Variants in DIS3L2 observed in about 807,000 individuals in gnomAD.
The protein encoded by DIS3L2 is DIS3-like exonuclease 2.
In DIS3L2, 34 loss-of-function variants were observed where a neutral mutation model predicts 97.5. The ratio of observed to expected loss-of-function variants is 0.35; its 90% CI spans 0.27 to 0.46. The LOEUF (loss-of-function observed/expected upper bound fraction) is 0.46, where lower values mean the gene tolerates loss of function less well. Among genes scored for constraint, DIS3L2 ranks in the 20% least tolerant of loss-of-function variants. The probability of loss-of-function intolerance (pLI) is 1.00; values close to 1 mark genes in which losing one functional copy is unlikely to be tolerated. For missense variants in DIS3L2, 1,038 were observed against 1,146.0 expected, an observed-to-expected ratio of 0.91 and a Z score of 1.36; for synonymous variants, 435 against 445.2, an observed-to-expected ratio of 0.98 and a Z score of 0.29.
chr2:232,343,754 A>G, exon 14 of DIS3L2: 1 of 651,904 alleles, frequency 1.5e-6, no homozygotes, highest in Non-Finnish European at 2.6e-6. Context: ...AAACTGCTAT[A>G]CCCTCTTCAG....
chr2:232,066,297 G>A (rs1695855609), intron 5 of DIS3L2, among the ~76,000 whole-genome samples: 1 of 151,884 alleles, frequency 6.6e-6, no homozygotes, highest in Non-Finnish European at 1.5e-5. Context: ...ATCAAGCTGA[G>A]GAAATATCCT....
chr2:232,079,398 T>C (rs1188329307), intron 5 of DIS3L2, among the ~76,000 whole-genome samples: 1 of 151,682 alleles, frequency 6.6e-6, no homozygotes, highest in East Asian at 1.9e-4. Context: ...AGATCAAGAC[T>C]ATCCTGGCTA....
At chr2:232,270,902 CTCTCTCTCTCTCTGTCTCG>C (rs1693986013) in intron 13 of DIS3L2, among the ~76,000 whole-genome samples, 1 of 137,096 alleles carries the variant, frequency 7.3e-6, no homozygotes, top group Non-Finnish European at 1.6e-5. Flanking sequence ...CTCTCTCTCT[CTCTCTCTCTCTCTGTCTCG>C]TCTCTCTCTC....
intron 11 of DIS3L2, among the ~76,000 whole-genome samples, chr2:232,243,451 TAGTG>T (rs1693161859): frequency 6.6e-6 from 1 of 151,790 alleles, no homozygotes; most frequent in Non-Finnish European, 1.5e-5. Flanking sequence ...GGTTGAAGGA[TAGTG>T]AGGCCAGAGG....
intron 6 of DIS3L2, among the ~76,000 whole-genome samples, chr2:232,122,305 A>C (rs976620622): frequency 6.6e-6 from 1 of 152,204 alleles, no homozygotes; most frequent in Admixed American, 6.5e-5. Context: ...TTAACTCCTT[A>C]GGGTAAGTTA....
At chr2:232,065,050 C>G (rs959886111) in intron 5 of DIS3L2, among the ~76,000 whole-genome samples, 1 of 152,036 alleles carries the variant, frequency 6.6e-6, no homozygotes, top group Non-Finnish European at 1.5e-5. Flanking sequence ...TCTAATATAT[C>G]TCTGTCTATC....
chr2:232,285,464 C>T (rs1055171149), intron 13 of DIS3L2, among the ~76,000 whole-genome samples: 3 of 152,246 alleles, frequency 2.0e-5, no homozygotes, highest in Admixed American at 1.3e-4. Flanking sequence ...CCTTAATTGA[C>T]AGTGAGCCTT....
intron 10 of DIS3L2, among the ~76,000 whole-genome samples, chr2:232,215,500 C>A (rs563459534): frequency 5.3e-5 from 8 of 152,334 alleles, no homozygotes; most frequent in African/African-American, 1.7e-4. Flanking sequence ...TCTCTGCAGC[C>A]TGCCTGGTTG....
At chr2:232,172,970 T>A (rs1338508800) in intron 9 of DIS3L2, among the ~76,000 whole-genome samples, 1 of 152,234 alleles carries the variant, frequency 6.6e-6, no homozygotes, top group Admixed American at 6.5e-5. Flanking sequence ...TTGCCATTTT[T>A]AAAATGGATT....
At chr2:232,185,589 C>T (rs1691409789) in intron 9 of DIS3L2, among the ~76,000 whole-genome samples, 1 of 152,206 alleles carries the variant, frequency 6.6e-6, no homozygotes, top group Non-Finnish European at 1.5e-5. Context: ...AATCCCAGCA[C>T]TTTGGAAGGC....
intron 12 of DIS3L2, 97 bp from the exon 13 acceptor site, chr2:232,263,110 A>G (rs1693756637): frequency 1.6e-6 from 2 of 1,289,160 alleles, no homozygotes; most frequent in African/African-American, 2.9e-5. Context: ...GTGCTCAATA[A>G]ATCTTTGTTG....
intron 14 of DIS3L2, among the ~76,000 whole-genome samples, chr2:232,302,817 C>T (rs1409032527): frequency 1.3e-5 from 2 of 151,924 alleles, no homozygotes; most frequent in Non-Finnish European, 2.9e-5. Flanking sequence ...GCCTTGGCCC[C>T]CCAAAGTGCT....
intron 6 of DIS3L2, among the ~76,000 whole-genome samples, chr2:232,113,049 C>G (rs1396818947): frequency 6.6e-6 from 1 of 152,038 alleles, no homozygotes; most frequent in African/African-American, 2.4e-5. Flanking sequence ...GCAGAATTAT[C>G]TATGGCTGCT....
intron 1 of DIS3L2, among the ~76,000 whole-genome samples, chr2:231,975,561 C>T (rs1199680627): frequency 1.3e-5 from 2 of 151,842 alleles, no homozygotes; most frequent in Admixed American, 1.3e-4. Context: ...AAAAGTTAGC[C>T]AGGCGTGGTG....
chr2:232,089,894 C>T (rs1298069942), intron 6 of DIS3L2, among the ~76,000 whole-genome samples: 2 of 152,114 alleles, frequency 1.3e-5, no homozygotes, highest in Non-Finnish European at 2.9e-5. Context: ...AACTCTGATG[C>T]TATACCTCCT....
intron 14 of DIS3L2, among the ~76,000 whole-genome samples, chr2:232,313,091 A>G (rs1695178588): frequency 6.6e-6 from 1 of 151,922 alleles, no homozygotes; most frequent in Admixed American, 6.6e-5. Flanking sequence ...CATGCCATGT[A>G]TTTATTTTTC....
intron 3 of DIS3L2, among the ~76,000 whole-genome samples, chr2:232,020,586 A>G (rs1379094566): frequency 6.6e-6 from 1 of 152,150 alleles, no homozygotes; most frequent in African/African-American, 2.4e-5. Flanking sequence ...GTTTTTGGGC[A>G]AGAGGGATAG....
chr2:232,069,586 G>A (rs932967234), intron 5 of DIS3L2, among the ~76,000 whole-genome samples: 8 of 152,224 alleles, frequency 5.3e-5, no homozygotes, highest in African/African-American at 1.9e-4. Flanking sequence ...ATGGAGGAAT[G>A]GGCATGTGAC....
intron 9 of DIS3L2, among the ~76,000 whole-genome samples, chr2:232,176,120 A>G (rs1691144931): frequency 6.6e-6 from 1 of 152,084 alleles, no homozygotes; most frequent in Non-Finnish European, 1.5e-5. Flanking sequence ...TGAACTCCTG[A>G]CCTCAACTGA....
Sources: allele counts gnomAD v4.1 joint callset (sites outside exome capture counted in the v4.1 genomes callset), GRCh38; gene constraint gnomAD v4.1.1; transcripts MANE v1.5; gene names NCBI Gene and HGNC (gene_info 2026-07-23, HGNC 2026-07-21).